The following SIPA1L3 variants were observed in gnomAD, a reference collection of about 807,000 sequenced individuals.
SIPA1L3 encodes signal induced proliferation associated 1 like 3, also known as signal-induced proliferation-associated 1-like protein 3.
In SIPA1L3, 59 loss-of-function variants were observed where a neutral mutation model predicts 150.1. That is an observed-to-expected ratio of 0.39 (90% CI 0.32 to 0.49). The LOEUF is 0.49. Ranked by LOEUF, SIPA1L3 falls within the 20% of genes least tolerant of loss-of-function variation. The probability of loss-of-function intolerance (pLI) is 0.86; values close to 1 mark genes in which losing one functional copy is unlikely to be tolerated. For synonymous variants in SIPA1L3, 1,070 were observed against 1,077.6 expected, an observed-to-expected ratio of 0.99 and a Z score of 0.14; for missense variants, 2,211 against 2,489.5, an observed-to-expected ratio of 0.89 and a Z score of 2.38.
chr19:37,982,836 C>G (rs1967236011), intron 1 of SIPA1L3, among the ~76,000 whole-genome samples: 1 of 152,148 alleles, frequency 6.6e-6, no homozygotes, highest in South Asian at 2.1e-4. Flanking sequence ...CCTGTGGCAG[C>G]CAGAAAGAGG....
intron 1 of SIPA1L3, among the ~76,000 whole-genome samples, chr19:37,972,068 TA>T (rs1433851135): frequency 1.3e-5 from 2 of 152,168 alleles, no homozygotes; most frequent in Non-Finnish European, 2.9e-5. Context: ...TGTGTAAAGA[TA>T]TTTTTCAGTT....
At chr19:37,973,032 GT>G (rs1380498156) in intron 1 of SIPA1L3, among the ~76,000 whole-genome samples, 1 of 151,916 alleles carries the variant, frequency 6.6e-6, no homozygotes, top group Non-Finnish European at 1.5e-5. Flanking sequence ...AGTCAATCAG[GT>G]GCCTGGCTAA....
At chr19:38,153,700 G>A (rs1971879129) in intron 13 of SIPA1L3, among the ~76,000 whole-genome samples, 1 of 147,114 alleles carries the variant, frequency 6.8e-6, no homozygotes, top group Middle Eastern at 3.6e-3. Flanking sequence ...CCAGGCCAAG[G>A]CGGGCGGATA....
chr19:38,073,544 C>T (rs558598445), intron 2 of SIPA1L3, among the ~76,000 whole-genome samples: 8 of 152,350 alleles, frequency 5.3e-5, no homozygotes, highest in African/African-American at 1.2e-4. Flanking sequence ...CCCAGCTGCC[C>T]TCCTTCACAC....
chr19:37,972,708 A>G (rs1296417417), intron 1 of SIPA1L3, among the ~76,000 whole-genome samples: 1 of 152,174 alleles, frequency 6.6e-6, no homozygotes, highest in Admixed American at 6.5e-5. Context: ...TGCCTCAACA[A>G]AATAAACCAA....
At chr19:37,919,361 G>A (rs1568463461) in intron 1 of SIPA1L3, among the ~76,000 whole-genome samples, 1 of 152,308 alleles carries the variant, frequency 6.6e-6, no homozygotes, top group East Asian at 1.9e-4. Context: ...AGGAGGCACT[G>A]TTCTGACTGC....
intron 1 of SIPA1L3, among the ~76,000 whole-genome samples, chr19:37,985,605 T>C (rs1209768722): frequency 2.0e-5 from 3 of 152,138 alleles, no homozygotes; most frequent in Non-Finnish European, 4.4e-5. Context: ...GGAGGTGACA[T>C]TTAATCTGAG....
At chr19:38,132,913 G>C (rs1445404265) in intron 10 of SIPA1L3, among the ~76,000 whole-genome samples, 1 of 152,148 alleles carries the variant, frequency 6.6e-6, no homozygotes, top group Admixed American at 6.5e-5. Context: ...CACCCAAAGT[G>C]CTGGGATTAC....
In SIPA1L3 at chr19:38,152,955, C is replaced by T. The variant is rs746842528; in HGVS notation, c.3649C>T (p.Arg1217Cys). Residue 1217 changes from arginine (R) to cysteine (C), a missense_variant, in exon 13 of 22, where the codon CGC (arginine) becomes TGC (cysteine). Arg to Cys is a radical substitution (Grantham distance 180). Transcript: ENST00000222345. ...GACCAGCCAGGAGAGCACCATGGAA[C>T]GCCAGAAGCCAGGTAGGGCCCCCAC... ...GLTSQESTME[R>C]QKPEPLWHVP... The T allele has an allele frequency of 2.4e-5, 38 of 1,612,534 alleles. No homozygotes were observed. The highest frequency in any genetic ancestry group is 1.8e-4 in the South Asian group (16 of 90,764).
At chr19:38,088,692 G>T in intron 3 of SIPA1L3, 29 bp from the exon 4 acceptor site, 2 of 1,608,570 alleles carry the variant, frequency 1.2e-6, no homozygotes, top group Admixed American at 1.7e-5. Context: ...AGACAGCTGA[G>T]CCTGAACTCG....
At chr19:37,951,986 AG>A (rs1350655337) in intron 1 of SIPA1L3, among the ~76,000 whole-genome samples, 1 of 150,962 alleles carries the variant, frequency 6.6e-6, no homozygotes, top group Non-Finnish European at 1.5e-5. Context: ...TAGCCTGGGC[AG>A]TTCAGGTCAT....
chr19:38,203,978 C>A, intron 20 of SIPA1L3, 149 bp from the exon 21 acceptor site: 1 of 630,724 alleles, frequency 1.6e-6, no homozygotes, highest in Non-Finnish European at 2.8e-6. Context: ...GGAGGGCTGG[C>A]TTCCTGCTTC....
At chr19:38,066,919 G>A (rs1969606191) in intron 2 of SIPA1L3, among the ~76,000 whole-genome samples, 1 of 151,546 alleles carries the variant, frequency 6.6e-6, no homozygotes, top group African/African-American at 2.4e-5. Context: ...TTCCCTAGTT[G>A]GGAAAAACTG....
rs139213913 is a variant in SIPA1L3, at chr19:37,957,152, A to G, written c.-379+49794A>G. Among the ~76,000 whole-genome samples, 50 of 152,314 alleles carry G rather than the reference A, an allele frequency of 3.3e-4. No individual in the cohort carries two copies. The Middle Eastern group carries it at 0.017, about 52-fold the overall frequency. ...ATCTATTGGTTTAAATGTCTATCCT[A>G]CTGCTAGTGCCACAGTCTTCATTAC... On this transcript the variant is annotated intron_variant, in intron 1 of 21. Coordinates refer to ENST00000222345, the MANE Select transcript of SIPA1L3 (RefSeq NM_015073.3).
chr19:37,955,122 T>G (rs896868463), intron 1 of SIPA1L3, among the ~76,000 whole-genome samples: 3 of 141,042 alleles, frequency 2.1e-5, no homozygotes, highest in African/African-American at 5.4e-5. Context: ...CCAGGCATGG[T>G]GGCTCACACC....
chr19:37,936,727 G>A (rs986409612), intron 1 of SIPA1L3, among the ~76,000 whole-genome samples: 8 of 152,328 alleles, frequency 5.3e-5, no homozygotes, highest in Middle Eastern at 3.4e-3. Context: ...GAGTTGAGAT[G>A]CAGTCTCTCC....
chr19:38,207,207 C>A lies in SIPA1L3; in HGVS notation c.*967C>A, dbSNP rs1414426506. The stretch of plus-strand genomic sequence containing the variant: ...GGAGGAGAACAGCCTTCATCTCCTC[C>A]TCTGGTTTTTTTTTCCTTTGCAAGT... On this transcript the variant is annotated 3_prime_UTR_variant, in exon 22 of 22. Transcript: ENST00000222345. 1 of 151,874 alleles carries A rather than the reference C, an allele frequency of 6.6e-6. No individual in the cohort carries two copies. Among genetic ancestry groups the A allele is most frequent in the Non-Finnish European group, 1.5e-5 (1 of 67,984 alleles). The allele number at this position is 151,874 out of a possible 1,614,324, so 9.4% of individuals were successfully genotyped here. A position where few individuals can be genotyped will look rare whatever the true frequency, so the allele number is the denominator to read the frequency against.
At chr19:38,132,202 G>A (rs1971327668) in intron 10 of SIPA1L3, among the ~76,000 whole-genome samples, 1 of 152,192 alleles carries the variant, frequency 6.6e-6, no homozygotes, top group South Asian at 2.1e-4. Context: ...TTGTGCCACT[G>A]CACTCCAGCC....
chr19:38,168,077 G>A (rs1972248138), intron 15 of SIPA1L3, among the ~76,000 whole-genome samples: 1 of 152,166 alleles, frequency 6.6e-6, no homozygotes, highest in South Asian at 2.1e-4. Flanking sequence ...GATAATCACT[G>A]AGACAAATGA....
Sources: allele counts gnomAD v4.1 joint callset (sites outside exome capture counted in the v4.1 genomes callset), GRCh38; gene constraint gnomAD v4.1.1; transcripts MANE v1.5; gene names NCBI Gene and HGNC (gene_info 2026-07-23, HGNC 2026-07-21).